The following VSTM1 variants were observed in gnomAD, a reference collection of about 807,000 sequenced individuals.
VSTM1 encodes the protein V-set and transmembrane domain-containing protein 1.
In VSTM1, 27 loss-of-function variants were observed where a neutral mutation model predicts 33.1. The ratio of observed to expected loss-of-function variants is 0.82; its 90% CI spans 0.60 to 1.12. The LOEUF (loss-of-function observed/expected upper bound fraction) is 1.12. VSTM1 is among the 50% of genes most tolerant of loss of function. The probability of loss-of-function intolerance (pLI) is 0.00; values close to 1 mark genes in which losing one functional copy is unlikely to be tolerated. For synonymous variants in VSTM1, 115 were observed against 110.3 expected (o/e 1.04, Z -0.27); for missense variants, 304 against 288.9 (o/e 1.05, Z -0.38).
At chr19:54,048,372 T>C in intron 4 of VSTM1, 1 of 400,814 alleles carries the variant, frequency 2.5e-6, no homozygotes, top group Admixed American at 2.7e-5. Context: ...TGCCTCATCT[T>C]CCCAAAGTCC....
At chr19:54,060,979 C>T (rs1428961924) in intron 1 of VSTM1, among the ~76,000 whole-genome samples, 1 of 151,246 alleles carries the variant, frequency 6.6e-6, no homozygotes, top group Non-Finnish European at 1.5e-5. Context: ...GTGTGAGCTA[C>T]CTGCACCCAG....
At chr19:54,049,515 T>G (rs545281732) in intron 4 of VSTM1, among the ~76,000 whole-genome samples, 1 of 152,162 alleles carries the variant, frequency 6.6e-6, no homozygotes, top group South Asian at 2.1e-4. Context: ...GAATTATATA[T>G]CAATAAAAAA....
In VSTM1 at chr19:54,042,806, G is replaced by GTATATATATATATA. The variant is rs1203522841; in HGVS notation, c.395-451_395-438dup. Among the ~76,000 whole-genome samples, 218 of 57,828 alleles carry GTATATATATATATA rather than the reference G, an allele frequency of 3.8e-3. 4 individuals are homozygous for GTATATATATATATA. Among genetic ancestry groups the GTATATATATATATA allele is most frequent in the Non-Finnish European group, 5.3e-3 (166 of 31,550 alleles). The allele number at this position is 57,828 out of a possible 152,430, so 37.9% of individuals were successfully genotyped here. A position where few individuals can be genotyped will look rare whatever the true frequency, so the allele number is the denominator to read the frequency against. On this transcript the variant is annotated intron_variant, in intron 4 of 8. Transcript: ENST00000338372. ...TATATGTGTGTGTATATATAAATGT[G>GTATATATATATATA]TATATATATATATATATATATATAT...
intron 3 of VSTM1, among the ~76,000 whole-genome samples, chr19:54,057,607 C>T (rs576406280): frequency 2.7e-5 from 4 of 150,552 alleles, no homozygotes; most frequent in South Asian, 2.1e-4. Context: ...GTCAGCAGTT[C>T]GAGATCAGCC....
At position 54,063,766 on chromosome 19, in the gene VSTM1, T is replaced by C. The variant is rs775175620; in HGVS notation, c.12A>G (p.Glu4=). The stretch of plus-strand genomic sequence containing the variant: ...CACCGAGGCAAAGCAGGGAGAGGAA[T>C]TCTGCGGTCATAGCGTCCCTTCTGC... MTA[E]FLSLLCLGLC... The change falls in exon 1 of 9, where the codon GAA becomes GAG. Residue 4 remains glutamate, a synonymous_variant. Transcript: ENST00000338372. 3.7e-6 allele frequency: 6 copies of C among 1,613,884 alleles called. No individual in the cohort carries two copies. The South Asian group carries it at 5.5e-5, about 15-fold the overall frequency.
intron 4 of VSTM1, among the ~76,000 whole-genome samples, chr19:54,050,234 G>C (rs1228979084): frequency 2.0e-5 from 3 of 151,788 alleles, no homozygotes; most frequent in Non-Finnish European, 2.9e-5. Context: ...CCTGACCTCA[G>C]GTGATCCGCC....
intron 4 of VSTM1, among the ~76,000 whole-genome samples, chr19:54,050,219 G>A (rs527279174): frequency 4.0e-5 from 6 of 151,610 alleles, no homozygotes; most frequent in Admixed American, 6.6e-5. Context: ...GGCTGGTTTC[G>A]AACTCCTGAC....
intron 1 of VSTM1, among the ~76,000 whole-genome samples, chr19:54,059,619 T>C (rs1437858720): frequency 6.6e-6 from 1 of 151,016 alleles, no homozygotes; most frequent in Non-Finnish European, 1.5e-5. Flanking sequence ...TACAGGTGTG[T>C]GCCATCGTGC....
intron 4 of VSTM1, among the ~76,000 whole-genome samples, chr19:54,045,727 C>A (rs1184140185): frequency 6.6e-6 from 1 of 152,060 alleles, no homozygotes; most frequent in African/African-American, 2.4e-5. Flanking sequence ...TCTAATTTTT[C>A]TATCTTGCAA....
rs2071219521 is a variant in VSTM1, at chr19:54,058,471, T to C, written c.190A>G (p.Asn64Asp). 6.2e-7 allele frequency: 1 copy of C among 1,613,916 alleles called. No homozygotes were observed. Among genetic ancestry groups the C allele is most frequent in the African/African-American group, 1.3e-5 (1 of 75,002 alleles). Residue 64 changes from asparagine to aspartate, a missense_variant, in exon 3 of 9, where the codon AAC (asparagine) becomes GAC (aspartate). Coordinates refer to ENST00000338372, the MANE Select transcript of VSTM1 (RefSeq NM_198481.4). ...TGTTCCTGCTTGTACCCAGAGTCGT[T>C]CACCTTGCGCAGCACAAATGTCACA... The part of the protein sequence containing the change: ...QNVTFVLRKV[N>D]DSGYKQEQSS...
At chr19:54,054,704 G>A (rs1427700853) in intron 3 of VSTM1, among the ~76,000 whole-genome samples, 1 of 137,942 alleles carries the variant, frequency 7.2e-6, no homozygotes, top group South Asian at 2.4e-4. Context: ...TGGGTGAAAG[G>A]GTGGATGAGT....
intron 1 of VSTM1, among the ~76,000 whole-genome samples, chr19:54,059,964 C>T (rs1032124179): frequency 2.0e-5 from 3 of 151,784 alleles, no homozygotes; most frequent in Non-Finnish European, 2.9e-5. Context: ...TCTCCTGCCT[C>T]GGCCTCCCGA....
chr19:54,052,086 C>T (rs968076188), intron 3 of VSTM1, among the ~76,000 whole-genome samples: 1 of 152,034 alleles, frequency 6.6e-6, no homozygotes, highest in Non-Finnish European at 1.5e-5. Context: ...ACAGTGGCAC[C>T]ATTTAGTCTA....
At chr19:54,046,555 T>A (rs2070600981) in intron 4 of VSTM1, among the ~76,000 whole-genome samples, 1 of 152,050 alleles carries the variant, frequency 6.6e-6, no homozygotes, top group Non-Finnish European at 1.5e-5. Flanking sequence ...TACACCCATC[T>A]CTCTCTGTAA....
At chr19:54,048,345 G>A (rs2070694206) in intron 4 of VSTM1, 4 of 389,480 alleles carry the variant, frequency 1.0e-5, no homozygotes, top group Non-Finnish European at 2.1e-5. Context: ...TGAACCCCTG[G>A]GCTCAAGTGA....
chr19:54,041,661 TA>T, intron 8 of VSTM1, 117 bp downstream of exon 8: 1 of 1,178,808 alleles, frequency 8.5e-7, no homozygotes, highest in Non-Finnish European at 1.2e-6. Flanking sequence ...GTGACTTGTC[TA>T]AGACCACATG....
intron 1 of VSTM1, among the ~76,000 whole-genome samples, chr19:54,063,216 T>C (rs747564099): frequency 3.9e-5 from 6 of 152,028 alleles, no homozygotes; most frequent in Non-Finnish European, 5.9e-5. Context: ...CCTGCACCTG[T>C]AGTCCCACCT....
At chr19:54,048,682 A>G (rs1420728799) in intron 4 of VSTM1, among the ~76,000 whole-genome samples, 1 of 152,212 alleles carries the variant, frequency 6.6e-6, no homozygotes, top group Non-Finnish European at 1.5e-5. Context: ...TTCTAGGTAC[A>G]TACTCAAGAT....
chr19:54,063,252 CGCTTGAACCT>C (rs1272526265), intron 1 of VSTM1, among the ~76,000 whole-genome samples: 1 of 152,068 alleles, frequency 6.6e-6, no homozygotes, highest in Non-Finnish European at 1.5e-5. Flanking sequence ...GCAGGAGAAT[CGCTTGAACCT>C]GGGAGACGGA....
Sources: allele counts gnomAD v4.1 joint callset (sites outside exome capture counted in the v4.1 genomes callset), GRCh38; gene constraint gnomAD v4.1.1; transcripts MANE v1.5; gene names NCBI Gene and HGNC (gene_info 2026-07-23, HGNC 2026-07-21).